The following GPD2 variants were observed in gnomAD, a reference collection of about 807,000 sequenced individuals.
GPD2 encodes glycerol-3-phosphate dehydrogenase 2, also known as glycerol-3-phosphate dehydrogenase, mitochondrial.
Under a neutral mutation model 82.4 loss-of-function variants are expected in GPD2, and 54 were observed. The ratio of observed to expected loss-of-function variants is 0.66; its 90% CI spans 0.53 to 0.82. The LOEUF (loss-of-function observed/expected upper bound fraction) is 0.82, where lower values mean the gene tolerates loss of function less well. Among genes scored for constraint, GPD2 ranks in the 40% least tolerant of loss-of-function variants. The pLI is 0.00. For missense variants in GPD2, 748 were observed against 896.2 expected (o/e 0.83, Z 2.11); for synonymous variants, 288 against 306.1 (o/e 0.94, Z 0.62).
In GPD2 at chr2:156,443,055, T is replaced by C. The variant is rs556278632; in HGVS notation, c.-9+6542T>C. 1.6e-4 allele frequency among the ~76,000 whole-genome samples: 24 copies of C among 152,298 alleles called. 1 individual carries two copies. In the South Asian group the frequency reaches 4.8e-3, roughly 30 times the overall value. On this transcript the variant is annotated intron_variant, in intron 1 of 16. Coordinates refer to ENST00000438166, the MANE Select transcript of GPD2 (RefSeq NM_000408.5). ...TGGACTGATTGGAATTCCCTAAATA[T>C]AAAAGTAGGAATTCCCTACTGTTGT...
intron 1 of GPD2, among the ~76,000 whole-genome samples, chr2:156,474,340 A>T (rs560264647): frequency 3.3e-5 from 5 of 152,348 alleles, no homozygotes; most frequent in Non-Finnish European, 7.3e-5. Context: ...GATACAGTTT[A>T]TTCAGTATGG....
chr2:156,411,259 C>G, the GPD2 span, among the ~76,000 whole-genome samples: 16 of 152,154 alleles, frequency 1.1e-4, no homozygotes, highest in African/African-American at 3.9e-4. Context: ...AACAAATTGT[C>G]TGTGTACTTC....
chr2:156,449,780 G>A (rs955248346), intron 1 of GPD2, among the ~76,000 whole-genome samples: 4 of 148,816 alleles, frequency 2.7e-5, no homozygotes, highest in Admixed American at 7.0e-5. Context: ...GGAGGCTGAG[G>A]CGGGTGAATC....
Position 156,582,823 on chromosome 2 carries a change from T to C in GPD2, c.2089T>C (p.Ser697Pro). 2 of 1,613,180 alleles carry C rather than the reference T, an allele frequency of 1.2e-6. No homozygotes were observed. Among genetic ancestry groups the C allele is most frequent in the Non-Finnish European group, 1.7e-6 (2 of 1,179,270 alleles). Residue 697 changes from serine (S) to proline (P), a missense_variant, in exon 17 of 17, where the codon TCT (serine) becomes CCT (proline). Physicochemically the swap from Ser to Pro is moderately conservative, Grantham distance 74. Transcript: ENST00000438166. ...GAGTGCTATTCAAAAAGGAAGGGTA[T>C]CTGGAAGCCGGCTTGCTATACTAAT... ...LMSAIQKGRV[S>P]GSRLAILMKT... is the part of the protein sequence containing the mutation.
intron 6 of GPD2, among the ~76,000 whole-genome samples, chr2:156,529,838 G>A (rs1289328253): frequency 1.5e-4 from 23 of 152,186 alleles, no homozygotes; most frequent in African/African-American, 4.3e-4. Flanking sequence ...TTTGGTTACT[G>A]TAGCCTTGTA....
chr2:156,517,656 A>T (rs927390075), intron 6 of GPD2, among the ~76,000 whole-genome samples: 1 of 152,220 alleles, frequency 6.6e-6, no homozygotes, highest in Non-Finnish European at 1.5e-5. Context: ...TTCTCAAGTC[A>T]GAAGAAAGTG....
At chr2:156,437,689 C>T (rs1681998452) in intron 1 of GPD2, among the ~76,000 whole-genome samples, 1 of 152,186 alleles carries the variant, frequency 6.6e-6, no homozygotes, top group Admixed American at 6.5e-5. Context: ...ACTGTCCATT[C>T]TCATAGCTTA....
At chr2:156,415,404 C>T in the GPD2 span, among the ~76,000 whole-genome samples, 1 of 151,964 alleles carries the variant, frequency 6.6e-6, no homozygotes, top group Admixed American at 6.6e-5. Flanking sequence ...GTGATCCACC[C>T]GCCTCGGCCT....
At chr2:156,477,488 G>A (rs188836082) in intron 2 of GPD2, among the ~76,000 whole-genome samples, 32 of 152,086 alleles carry the variant, frequency 2.1e-4, no homozygotes, top group Middle Eastern at 3.4e-3. Context: ...TAGTATGCTG[G>A]CCTATCATTA....
intron 6 of GPD2, among the ~76,000 whole-genome samples, chr2:156,530,352 G>T (rs1309171785): frequency 7.2e-6 from 1 of 138,678 alleles, no homozygotes; most frequent in Non-Finnish European, 1.6e-5. Context: ...GGGTTTTCTG[G>T]ATATACGATC....
At chr2:156,480,153 T>C (rs1476116357) in intron 2 of GPD2, among the ~76,000 whole-genome samples, 1 of 152,208 alleles carries the variant, frequency 6.6e-6, no homozygotes, top group Non-Finnish European at 1.5e-5. Flanking sequence ...GTCTCCTTTT[T>C]CTAATTCCAG....
intron 6 of GPD2, among the ~76,000 whole-genome samples, chr2:156,542,171 C>A (rs373807367): frequency 1.3e-5 from 2 of 152,044 alleles, no homozygotes; most frequent in Admixed American, 1.3e-4. Context: ...CACAGATCCA[C>A]CCCGATTGCT....
At chr2:156,463,688 AC>A (rs1229309526) in intron 1 of GPD2, among the ~76,000 whole-genome samples, 1 of 152,102 alleles carries the variant, frequency 6.6e-6, no homozygotes, top group Non-Finnish European at 1.5e-5. Flanking sequence ...CTTCCAGAAT[AC>A]CCCCTGATGA....
At position 156,584,357 on chromosome 2, in the gene GPD2, G is replaced by T. The variant is rs1688140338; in HGVS notation, c.*1439G>T. On this transcript the variant is annotated 3_prime_UTR_variant, in exon 17 of 17. Transcript: ENST00000438166. ...TTTCATGGCAGGTTTTTATTGCAGA[G>T]ACTTGAAGTCTTAGTTTTTTAAACT... 6.6e-6 allele frequency: 1 copy of T among 151,982 alleles called. No homozygotes were observed. The highest frequency in any genetic ancestry group is 1.5e-5 in the Non-Finnish European group (1 of 67,956). 9.4% of individuals were successfully genotyped at this position (151,982 alleles called of 1,614,324 possible). A position where few individuals can be genotyped will look rare whatever the true frequency, so the allele number is the denominator to read the frequency against.
intron 6 of GPD2, among the ~76,000 whole-genome samples, chr2:156,525,928 TA>T (rs1274320154): frequency 6.6e-6 from 1 of 152,184 alleles, no homozygotes; most frequent in Non-Finnish European, 1.5e-5. Context: ...AAAATTAACT[TA>T]AAAAATTTTT....
At chr2:156,540,521 A>T (rs1242680321) in intron 6 of GPD2, among the ~76,000 whole-genome samples, 1 of 152,214 alleles carries the variant, frequency 6.6e-6, no homozygotes, top group Admixed American at 6.5e-5. Flanking sequence ...TGCTATGGAA[A>T]CATACCCATT....
chr2:156,428,334 A>T, the GPD2 span, among the ~76,000 whole-genome samples: 1 of 152,150 alleles, frequency 6.6e-6, no homozygotes, highest in Non-Finnish European at 1.5e-5. Flanking sequence ...CTAGAATTTC[A>T]ACCTCCAGCA....
At chr2:156,550,340 C>T (rs1426953060) in intron 7 of GPD2, among the ~76,000 whole-genome samples, 7 of 152,138 alleles carry the variant, frequency 4.6e-5, no homozygotes, top group Non-Finnish European at 7.4e-5. Context: ...GGTGCTTTGA[C>T]GCTGGGCACT....
At chr2:156,472,718 G>A (rs1034298436) in intron 1 of GPD2, among the ~76,000 whole-genome samples, 2 of 152,132 alleles carry the variant, frequency 1.3e-5, no homozygotes, top group Non-Finnish European at 2.9e-5. Flanking sequence ...AAATGCCAAG[G>A]GACTGAACAT....
Sources: gnomAD v4.1 joint callset for allele counts (sites outside exome capture counted in the v4.1 genomes callset) on GRCh38, gnomAD v4.1.1 for gene constraint, MANE v1.5 for transcripts, NCBI Gene and HGNC (gene_info 2026-07-23, HGNC 2026-07-21) for gene names.